SRFBP1: variants seen among roughly 807,000 people sequenced by gnomAD.
SRFBP1 encodes the protein serum response factor binding protein 1.
A neutral mutation model predicts 45.5 loss-of-function variants in SRFBP1; 47 were observed. The observed-to-expected ratio is 1.03, with a 90% CI of 0.82 to 1.32. The LOEUF (loss-of-function observed/expected upper bound fraction) is 1.32, where lower values mean the gene tolerates loss of function less well. Among genes scored for constraint, SRFBP1 ranks in the 40% most tolerant of loss-of-function variants. The probability of loss-of-function intolerance (pLI) is 0.00; values close to 1 mark genes in which losing one functional copy is unlikely to be tolerated. For synonymous variants in SRFBP1, 203 were observed against 166.3 expected (o/e 1.22, Z -1.70); for missense variants, 621 against 484.6 (o/e 1.28, Z -2.64).
At chr5:122,058,498 C>T (rs1201612995) in intron 2 of SRFBP1, among the ~76,000 whole-genome samples, 1 of 150,574 alleles carries the variant, frequency 6.6e-6, no homozygotes, top group African/African-American at 2.5e-5. Flanking sequence ...ATAATAGATC[C>T]TACTTCATAG....
chr5:122,009,744 A>G (rs1403892246), intron 4 of SRFBP1, among the ~76,000 whole-genome samples: 3 of 152,240 alleles, frequency 2.0e-5, no homozygotes, highest in African/African-American at 7.2e-5. Flanking sequence ...TATTCTTGCA[A>G]GCAAGTCAAG....
At chr5:121,969,906 C>T (rs1053141159) in intron 1 of SRFBP1, among the ~76,000 whole-genome samples, 3 of 152,066 alleles carry the variant, frequency 2.0e-5, no homozygotes, top group South Asian at 2.1e-4. Flanking sequence ...TCTGTGCTCA[C>T]ACTATTCCTC....
At chr5:122,077,920 G>A (rs543644173), downstream of SRFBP1, 8 of 1,517,238 alleles carry the variant, frequency 5.3e-6, no homozygotes, top group African/African-American at 2.9e-5. This position sits in a 1 kb window ranked among gnomAD's most constrained non-coding sequence, Gnocchi z 4.9. Context: ...CGGCGGGAGG[G>A]GCGCAGTGCA....
intron 4 of SRFBP1, among the ~76,000 whole-genome samples, chr5:122,001,098 A>G (rs1752856335): frequency 6.6e-6 from 1 of 151,958 alleles, no homozygotes; most frequent in Non-Finnish European, 1.5e-5. Context: ...AAACCTCCAT[A>G]AAGTTTTGCT....
At chr5:121,998,089 T>G (rs111936329) in intron 4 of SRFBP1, among the ~76,000 whole-genome samples, 1 of 151,954 alleles carries the variant, frequency 6.6e-6, no homozygotes, top group Non-Finnish European at 1.5e-5. Context: ...AGTTCAACCA[T>G]TGTGGAAGTC....
downstream of SRFBP1, chr5:122,077,162 G>A: frequency 6.8e-7 from 1 of 1,466,178 alleles, no homozygotes; most frequent in Non-Finnish European, 9.0e-7. This position sits in a 1 kb window ranked among gnomAD's most constrained non-coding sequence, Gnocchi z 4.9. Flanking sequence ...GGACTGCAAA[G>A]CAATGTGAAA....
chr5:122,029,029 A>G (rs975466099), downstream of SRFBP1, among the ~76,000 whole-genome samples: 34 of 152,188 alleles, frequency 2.2e-4, no homozygotes, highest in Non-Finnish European at 1.2e-4. Context: ...ATGGGTCTAC[A>G]AGAGCCATTA....
At chr5:121,990,143 T>G (rs1361566875) in intron 3 of SRFBP1, among the ~76,000 whole-genome samples, 2 of 152,146 alleles carry the variant, frequency 1.3e-5, no homozygotes, top group Non-Finnish European at 2.9e-5. Flanking sequence ...CTGCACTATT[T>G]ACAATAGCAA....
At chr5:122,040,666 A>G (rs1753759441) in intron 2 of SRFBP1, among the ~76,000 whole-genome samples, 1 of 152,166 alleles carries the variant, frequency 6.6e-6, no homozygotes. Context: ...ATTAGTTGAT[A>G]TCGTAGGCAC....
chr5:122,058,529 A>AGTGTGTGTGTGTGTGT (rs147926229), intron 2 of SRFBP1, among the ~76,000 whole-genome samples: 2 of 142,236 alleles, frequency 1.4e-5, no homozygotes, highest in Non-Finnish European at 3.1e-5. Flanking sequence ...ACAATGAGAT[A>AGTGTGTGTGTGTGTGT]GTGTGTGTGT....
rs529745674 is a variant in SRFBP1, at chr5:121,992,386, G to T, written c.199-2213G>T. ...CCATTTCCCACACTTTCGTTTTTTTGTTGTTGTTGTTGTTTTGTTTTGTTT... is the reference window on the plus strand; with the variant it reads ...CCATTTCCCACACTTTCGTTTTTTTTTTGTTGTTGTTGTTTTGTTTTGTTT... On this transcript the variant is annotated intron_variant, in intron 3 of 7. Coordinates refer to ENST00000339397, the MANE Select transcript of SRFBP1 (RefSeq NM_152546.3). Among the ~76,000 whole-genome samples the T allele has an allele frequency of 5.9e-4, 90 of 151,438 alleles. 1 individual carries two copies. In the South Asian group the frequency reaches 0.014, roughly 24 times the overall value.
Position 121,965,716 on chromosome 5 carries a change from A to G in SRFBP1, c.36+3648A>G, listed in dbSNP as rs537356137. ...ATGAACTTTAAAGTAGTTTTTTCCA[A>G]TTCTGTGAAGAAAGTCAATGGTAGC... On this transcript the variant is annotated intron_variant, in intron 1 of 7. Transcript: ENST00000339397. Among the ~76,000 whole-genome samples, 8 of 152,198 alleles carry G rather than the reference A, an allele frequency of 5.3e-5. No homozygotes were observed. The South Asian group carries it at 1.0e-3, about 20-fold the overall frequency.
chr5:122,069,521 A>G (rs1368506293), intron 2 of SRFBP1, among the ~76,000 whole-genome samples: 1 of 152,100 alleles, frequency 6.6e-6, no homozygotes, highest in Non-Finnish European at 1.5e-5. Context: ...ATTATGAAGA[A>G]ACCTCCACAC....
chr5:122,068,526 C>T (rs1019230656), intron 2 of SRFBP1, among the ~76,000 whole-genome samples: 1 of 152,074 alleles, frequency 6.6e-6, no homozygotes, highest in African/African-American at 2.4e-5. Flanking sequence ...CTCAAAATGC[C>T]TTTACTCAAA....
intron 2 of SRFBP1, among the ~76,000 whole-genome samples, chr5:122,051,600 A>G (rs1190852963): frequency 6.8e-6 from 1 of 147,850 alleles, no homozygotes; most frequent in Non-Finnish European, 1.5e-5. Context: ...TCTGTTTTCC[A>G]TTTACTTGGT....
intron 4 of SRFBP1, among the ~76,000 whole-genome samples, chr5:121,996,225 G>C (rs1437036733): frequency 7.1e-6 from 1 of 141,056 alleles, no homozygotes; most frequent in Non-Finnish European, 1.5e-5. Context: ...GAGAATTTTA[G>C]ACCAATATCC....
At position 122,066,450 on chromosome 5, in the gene SRFBP1, T is replaced by A. The variant is rs188008280; in HGVS notation, n.312-8865T>A. The A allele has an allele frequency of 2.3e-5, 8 of 341,358 alleles. No homozygotes were observed. In the East Asian group the frequency reaches 3.2e-4, roughly 14 times the overall value. 21.1% of individuals were successfully genotyped at this position (341,358 alleles called of 1,614,324 possible). ...TTGCACTACAATTTCAAAAGGAACA[T>A]GAGAAATTTGGATTTCTTTGAAAGA... On this transcript the variant is annotated intron_variant and non_coding_transcript_variant, in intron 2 of 2. Transcript: ENST00000504881.
chr5:121,965,788 C>T (rs1486924596), intron 1 of SRFBP1, among the ~76,000 whole-genome samples: 1 of 152,142 alleles, frequency 6.6e-6, no homozygotes, highest in Non-Finnish European at 1.5e-5. Context: ...GGCAGTATGG[C>T]TGTTTTCACG....
intron 3 of SRFBP1, among the ~76,000 whole-genome samples, chr5:121,984,890 C>T (rs1243510717): frequency 6.6e-6 from 1 of 151,810 alleles, no homozygotes; most frequent in East Asian, 1.9e-4. Flanking sequence ...GTCTTTATTT[C>T]AGTTAGCACT....
Sources: allele counts gnomAD v4.1 joint callset (sites outside exome capture counted in the v4.1 genomes callset), GRCh38; gene constraint gnomAD v4.1.1; non-coding constraint Gnocchi (gnomAD v3.1); transcripts MANE v1.5; gene names NCBI Gene and HGNC (gene_info 2026-07-23, HGNC 2026-07-21).